TRIQK: variants seen among roughly 807,000 people sequenced by gnomAD.
TRIQK encodes triple QxxK/R motif containing, also known as triple QxxK/R motif-containing protein.
Under a neutral mutation model 10.8 loss-of-function variants are expected in TRIQK, and 10 were observed. That is an observed-to-expected ratio of 0.92 (90% CI 0.57 to 1.57). TRIQK has a LOEUF of 1.57. TRIQK is among the 40% of genes most tolerant of loss of function. TRIQK has a pLI of 0.00. For missense variants in TRIQK, 107 were observed against 97.7 expected, an observed-to-expected ratio of 1.09 and a Z score of -0.40; for synonymous variants, 33 against 33.7, an observed-to-expected ratio of 0.98 and a Z score of 0.07.
intron 1 of TRIQK, among the ~76,000 whole-genome samples, chr8:92,959,480 TAC>T (rs34816958): frequency 0.065 from 9,365 of 143,572 alleles, 371 homozygotes; most frequent in East Asian, 0.13. Context: ...TATATATGCA[TAC>T]ACACACACAC....
At chr8:92,949,782 AAAAG>A (rs80051316) in intron 2 of TRIQK, among the ~76,000 whole-genome samples, 11,809 of 71,600 alleles carry the variant, frequency 0.16, 1,164 homozygotes, top group Admixed American at 0.17. Context: ...GAAAGAAAGA[AAAAG>A]AAAGAAAGAA....
intron 3 of TRIQK, among the ~76,000 whole-genome samples, chr8:92,898,719 G>C (rs1191796400): frequency 6.6e-6 from 1 of 151,138 alleles, no homozygotes; most frequent in Non-Finnish European, 1.5e-5. Context: ...TCAAACAGAG[G>C]TTGCTGCTTA....
At chr8:92,980,854 G>T (rs1812979543) in intron 1 of TRIQK, among the ~76,000 whole-genome samples, 1 of 150,160 alleles carries the variant, frequency 6.7e-6, no homozygotes. Flanking sequence ...TTTGATTTCT[G>T]TTAAATAACT....
intron 3 of TRIQK, among the ~76,000 whole-genome samples, chr8:92,898,623 C>T (rs1808732841): frequency 6.6e-6 from 1 of 151,690 alleles, no homozygotes; most frequent in African/African-American, 2.4e-5. Flanking sequence ...ACTATCATCA[C>T]ATTTAAAGTT....
intron 1 of TRIQK, among the ~76,000 whole-genome samples, chr8:92,977,573 G>A (rs866007553): frequency 1.7e-4 from 26 of 151,774 alleles, no homozygotes; most frequent in African/African-American, 6.0e-4. Flanking sequence ...CTGATCATTG[G>A]GAAGATAGTT....
intron 2 of TRIQK, among the ~76,000 whole-genome samples, chr8:92,946,448 G>C (rs1218200036): frequency 6.6e-6 from 1 of 152,046 alleles, no homozygotes; most frequent in African/African-American, 2.4e-5. Flanking sequence ...AAGGGAAAAA[G>C]TATGAAACTC....
At chr8:93,008,209 T>G (rs1813293660) in intron 1 of TRIQK, among the ~76,000 whole-genome samples, 1 of 152,188 alleles carries the variant, frequency 6.6e-6, no homozygotes. Flanking sequence ...GGTGATGGGC[T>G]GATAAGTGCA....
chr8:92,943,429 A>G (rs1339524005), intron 2 of TRIQK, among the ~76,000 whole-genome samples: 3 of 152,202 alleles, frequency 2.0e-5, no homozygotes, highest in Non-Finnish European at 4.4e-5. Flanking sequence ...CAAATATACT[A>G]TGAAGCTACA....
Position 92,955,745 on chromosome 8 carries a change from A to G in TRIQK, c.-180-1181T>C, listed in dbSNP as rs191527116. ...CTCAACATAAAAGATCAAATAATACAATTTTTAAATGGGCAAAGTATTTGA... is the reference window on the plus strand; with the variant it reads ...CTCAACATAAAAGATCAAATAATACGATTTTTAAATGGGCAAAGTATTTGA... On this transcript the variant is annotated intron_variant, in intron 1 of 4. Coordinates refer to ENST00000521988, the MANE Select transcript of TRIQK (RefSeq NM_001171797.2). Among the ~76,000 whole-genome samples, 279 of 151,932 alleles carry G rather than the reference A, an allele frequency of 1.8e-3. 2 individuals carry two copies. The highest frequency in any genetic ancestry group is 0.017 in the South Asian group (80 of 4,816).
intron 2 of TRIQK, among the ~76,000 whole-genome samples, chr8:92,919,768 G>T (rs919034885): frequency 1.3e-5 from 2 of 151,620 alleles, no homozygotes; most frequent in African/African-American, 4.8e-5. Flanking sequence ...TCAGGTCCTG[G>T]ACTTTTCTTT....
chr8:93,016,787 C>T (rs1172682170), intron 1 of TRIQK, among the ~76,000 whole-genome samples: 2 of 151,954 alleles, frequency 1.3e-5, no homozygotes, highest in Non-Finnish European at 2.9e-5. Flanking sequence ...GCAGCAGGTG[C>T]GAAGCCTCAG....
At chr8:92,888,160 C>G (rs1220808272) in intron 4 of TRIQK, among the ~76,000 whole-genome samples, 1 of 151,592 alleles carries the variant, frequency 6.6e-6, no homozygotes, top group Non-Finnish European at 1.5e-5. Flanking sequence ...CTGCAAACTC[C>G]ATCTGTTCTG....
chr8:93,009,125 A>G lies in TRIQK; in HGVS notation c.-181+8484T>C, dbSNP rs527413891. 4.6e-5 allele frequency among the ~76,000 whole-genome samples: 7 copies of G among 152,358 alleles called. No individual in the cohort carries two copies. In the South Asian group the frequency reaches 1.4e-3, roughly 32 times the overall value. ...CTATCCGGAAAATATGAGGAACTCC[A>G]CTCAATAGCAAAATAACAAATAATC... On this transcript the variant is annotated intron_variant, in intron 1 of 4. Transcript: ENST00000520686.
intron 1 of TRIQK, among the ~76,000 whole-genome samples, chr8:92,993,423 C>T (rs1813117871): frequency 1.3e-5 from 2 of 152,176 alleles, no homozygotes; most frequent in South Asian, 4.1e-4. Flanking sequence ...TCACTGCTTC[C>T]TGACAAGCCT....
chr8:92,984,163 A>G (rs1206404517), intron 1 of TRIQK, among the ~76,000 whole-genome samples: 1 of 152,128 alleles, frequency 6.6e-6, no homozygotes, highest in Non-Finnish European at 1.5e-5. Context: ...GCATTCCATT[A>G]CCACTCTGCC....
At position 92,884,019 on chromosome 8, in the gene TRIQK, T is replaced by C. The variant is rs1816341175; in HGVS notation, c.*2603A>G. 1 of 151,830 alleles carries C rather than the reference T, an allele frequency of 6.6e-6. No homozygotes were observed. Among genetic ancestry groups the C allele is most frequent in the Non-Finnish European group, 1.5e-5 (1 of 67,860 alleles). The allele number at this position is 151,830 out of a possible 1,614,324, so 9.4% of individuals were successfully genotyped here. A position where few individuals can be genotyped will look rare whatever the true frequency, so the allele number is the denominator to read the frequency against. Reference sequence around the variant, plus strand: ...TTCCATAGGCTATATTTTAAGTCTATTGCATTAGTTGAAATTTATTTTGCA... The same window carrying C: ...TTCCATAGGCTATATTTTAAGTCTACTGCATTAGTTGAAATTTATTTTGCA... On this transcript the variant is annotated 3_prime_UTR_variant, in exon 5 of 5. Coordinates refer to ENST00000521988, the MANE Select transcript of TRIQK (RefSeq NM_001171797.2).
At chr8:92,946,915 A>G (rs1384728170) in intron 2 of TRIQK, among the ~76,000 whole-genome samples, 2 of 151,490 alleles carry the variant, frequency 1.3e-5, no homozygotes, top group Non-Finnish European at 2.9e-5. Context: ...GCCTGCCACC[A>G]CGCCTGGCTA....
intron 3 of TRIQK, among the ~76,000 whole-genome samples, chr8:92,911,902 CA>C (rs1809591301): frequency 7.1e-6 from 1 of 140,598 alleles, no homozygotes; most frequent in Non-Finnish European, 1.6e-5. Context: ...TGTGTGTAGA[CA>C]TATATATATA....
intron 3 of TRIQK, among the ~76,000 whole-genome samples, chr8:92,900,004 G>C (rs1808836943): frequency 6.6e-6 from 1 of 152,114 alleles, no homozygotes; most frequent in South Asian, 2.1e-4. Flanking sequence ...AATGATTAAT[G>C]ATTTTGAGCA....
Sources: gnomAD v4.1 joint callset for allele counts (sites outside exome capture counted in the v4.1 genomes callset) on GRCh38, gnomAD v4.1.1 for gene constraint, MANE v1.5 for transcripts, NCBI Gene and HGNC (gene_info 2026-07-23, HGNC 2026-07-21) for gene names.